CDH12: variants seen among roughly 807,000 people sequenced by gnomAD.
The protein encoded by CDH12 is cadherin-12.
A neutral mutation model predicts 74.1 loss-of-function variants in CDH12; 41 were observed. The ratio of observed to expected loss-of-function variants is 0.55; its 90% CI spans 0.43 to 0.72. The LOEUF (loss-of-function observed/expected upper bound fraction) is 0.72. CDH12 is among the 30% of genes least tolerant of loss of function. The probability of loss-of-function intolerance (pLI) is 0.00; values close to 1 mark genes in which losing one functional copy is unlikely to be tolerated. For synonymous variants in CDH12, 399 were observed against 355.0 expected (o/e 1.12, Z -1.39); for missense variants, 945 against 977.2 (o/e 0.97, Z 0.44).
intron 1 of CDH12, among the ~76,000 whole-genome samples, chr5:22,703,680 A>G (rs1232731982): frequency 2.0e-5 from 3 of 152,166 alleles, no homozygotes; most frequent in South Asian, 2.1e-4. Context: ...TTATTTTCCA[A>G]TGCAGTTAAT....
intron 1 of CDH12, among the ~76,000 whole-genome samples, chr5:22,786,044 G>C (rs756477072): frequency 2.6e-5 from 4 of 152,046 alleles, no homozygotes; most frequent in Non-Finnish European, 4.4e-5. Flanking sequence ...ATTCACAATA[G>C]CAAAGACAAA....
At chr5:22,696,080 AT>A (rs1742340681) in intron 1 of CDH12, among the ~76,000 whole-genome samples, 1 of 152,022 alleles carries the variant, frequency 6.6e-6, no homozygotes, top group Non-Finnish European at 1.5e-5. Flanking sequence ...TAAAAACATT[AT>A]TTTTCAGCTG....
Position 22,302,065 on chromosome 5 carries a change from T to C in CDH12, c.-332-89422A>G, listed in dbSNP as rs182421927. ...GAGAGAGTCTCAAAAATTAAATACA[T>C]AAAATACAAAAACAATTATATTTTT... On this transcript the variant is annotated intron_variant, in intron 3 of 14. Transcript: ENST00000382254. 9.2e-5 allele frequency among the ~76,000 whole-genome samples: 14 copies of C among 151,934 alleles called. No individual in the cohort carries two copies. The East Asian group carries it at 2.7e-3, about 29-fold the overall frequency.
intron 1 of CDH12, among the ~76,000 whole-genome samples, chr5:22,594,696 T>C (rs1351901511): frequency 6.6e-6 from 1 of 152,136 alleles, no homozygotes; most frequent in Non-Finnish European, 1.5e-5. Flanking sequence ...TGGATGCCAA[T>C]TTGGGTTGGA....
intron 3 of CDH12, among the ~76,000 whole-genome samples, chr5:22,376,652 G>T (rs189292562): frequency 9.9e-5 from 15 of 150,876 alleles, no homozygotes; most frequent in Admixed American, 9.9e-4. Context: ...GAATAGCTGG[G>T]ACTACAGGCA....
At chr5:22,586,446 C>G (rs2126791661) in intron 1 of CDH12, among the ~76,000 whole-genome samples, 1 of 151,020 alleles carries the variant, frequency 6.6e-6, no homozygotes, top group Middle Eastern at 3.5e-3. Flanking sequence ...ATGTAACTAA[C>G]CTGCACATTG....
intron 2 of CDH12, among the ~76,000 whole-genome samples, chr5:22,437,935 CT>C (rs1182278795): frequency 1.3e-5 from 2 of 151,964 alleles, no homozygotes; most frequent in East Asian, 3.9e-4. Flanking sequence ...ATAAAATCAT[CT>C]TTTATTTTCA....
intron 6 of CDH12, among the ~76,000 whole-genome samples, chr5:21,958,321 TG>T (rs1756193437): frequency 6.6e-6 from 1 of 152,152 alleles, no homozygotes. Flanking sequence ...TATGAATTTT[TG>T]CTTTTGTTGC....
intron 2 of CDH12, among the ~76,000 whole-genome samples, chr5:22,469,723 T>A (rs1424474): frequency 0.43 from 64,996 of 151,852 alleles, 14,380 homozygotes; most frequent in Admixed American, 0.61. Flanking sequence ...TATATTCTCC[T>A]GTCATATTTT....
intron 3 of CDH12, among the ~76,000 whole-genome samples, chr5:22,399,019 TTTTTG>T (rs1210170300): frequency 6.6e-6 from 1 of 152,058 alleles, no homozygotes; most frequent in Non-Finnish European, 1.5e-5. Flanking sequence ...AAAAAGAGGT[TTTTTG>T]TTTTGTTTTG....
intron 6 of CDH12, among the ~76,000 whole-genome samples, chr5:21,968,871 C>T (rs918927762): frequency 5.3e-5 from 8 of 151,838 alleles, no homozygotes; most frequent in South Asian, 4.2e-4. Flanking sequence ...AGCAAAGTAA[C>T]GCAGGAACAG....
At chr5:21,791,552 A>G (rs1246554450) in intron 10 of CDH12, among the ~76,000 whole-genome samples, 3 of 152,018 alleles carry the variant, frequency 2.0e-5, no homozygotes, top group African/African-American at 7.2e-5. Flanking sequence ...TTAAACAGAA[A>G]GTATGTTTGA....
At chr5:22,500,615 T>A (rs1747291043) in intron 2 of CDH12, among the ~76,000 whole-genome samples, 1 of 152,148 alleles carries the variant, frequency 6.6e-6, no homozygotes, top group African/African-American at 2.4e-5. Context: ...AAATGACAGG[T>A]CAATGCTAAT....
At chr5:22,081,886 T>G (rs1011512888) in intron 4 of CDH12, among the ~76,000 whole-genome samples, 5 of 152,294 alleles carry the variant, frequency 3.3e-5, no homozygotes, top group African/African-American at 1.2e-4. Flanking sequence ...GTGTCTATAG[T>G]GTGGAAAAAT....
At chr5:22,520,509 G>T (rs959147579) in intron 1 of CDH12, among the ~76,000 whole-genome samples, 1 of 152,046 alleles carries the variant, frequency 6.6e-6, no homozygotes, top group East Asian at 1.9e-4. Flanking sequence ...TAGTCTGGAG[G>T]GCATGGATAC....
chr5:22,246,338 A>C (rs1752944436), intron 3 of CDH12, among the ~76,000 whole-genome samples: 1 of 152,158 alleles, frequency 6.6e-6, no homozygotes, highest in South Asian at 2.1e-4. Flanking sequence ...TAAAGATAAT[A>C]TCAAGCTCTA....
chr5:22,808,605 C>CTTTTTTTTTTTTTTTTT (rs34567315), intron 1 of CDH12, among the ~76,000 whole-genome samples: 7 of 111,470 alleles, frequency 6.3e-5, no homozygotes, highest in African/African-American at 1.1e-4. Context: ...CTTTTCTTGT[C>CTTTTTTTTTTTTTTTTT]TTTTTTTTTT....
intron 5 of CDH12, among the ~76,000 whole-genome samples, chr5:22,054,729 A>G (rs1740620833): frequency 6.6e-6 from 1 of 152,142 alleles, no homozygotes; most frequent in Non-Finnish European, 1.5e-5. Context: ...GAATGTATGT[A>G]CAGTCTCTGA....
chr5:22,035,504 CT>C (rs1739110844), intron 5 of CDH12, among the ~76,000 whole-genome samples: 1 of 151,764 alleles, frequency 6.6e-6, no homozygotes, highest in South Asian at 2.1e-4. Context: ...ACATATATTT[CT>C]TGTTTTATTA....
Sources: gnomAD v4.1 joint callset for allele counts (sites outside exome capture counted in the v4.1 genomes callset) on GRCh38, gnomAD v4.1.1 for gene constraint, MANE v1.5 for transcripts, NCBI Gene and HGNC (gene_info 2026-07-23, HGNC 2026-07-21) for gene names.